The following LOC128125822 variants were observed in gnomAD, a reference collection of about 807,000 sequenced individuals.
the LOC128125822 span, chr6:63,579,387 C>A: frequency 1.5e-6 from 2 of 1,376,640 alleles, no homozygotes; most frequent in South Asian, 1.3e-5. Flanking sequence ...TGTTGAGTGT[C>A]AGTGAGTTTA....
chr6:63,574,743 A>G, the LOC128125822 span, among the ~76,000 whole-genome samples: 1 of 152,216 alleles, frequency 6.6e-6, no homozygotes, highest in Non-Finnish European at 1.5e-5. Flanking sequence ...AAAGCTTTTA[A>G]AGATCATTGT....
chr6:63,574,944 CTTGT>C, the LOC128125822 span, among the ~76,000 whole-genome samples: 1 of 152,296 alleles, frequency 6.6e-6, no homozygotes, highest in Non-Finnish European at 1.5e-5. Flanking sequence ...CCTCTGAGGG[CTTGT>C]TTGAACAAAC....
chr6:63,581,868 G>C, the LOC128125822 span: 1 of 152,096 alleles, frequency 6.6e-6, no homozygotes, highest in Admixed American at 6.5e-5. Flanking sequence ...GTACATGAAG[G>C]CTTAATGTTA....
At chr6:63,573,105 C>G in the LOC128125822 span, 1 of 169,686 alleles carries the variant, frequency 5.9e-6, no homozygotes, top group Non-Finnish European at 1.2e-5. Flanking sequence ...GCCCTTGGCC[C>G]TTTGGTCTGG....
the LOC128125822 span, chr6:63,580,367 C>G: frequency 1.9e-6 from 1 of 520,528 alleles, no homozygotes; most frequent in Non-Finnish European, 3.5e-6. Context: ...TATTTGGATA[C>G]TTGGCAAAAG....
chr6:63,578,524 G>A, the LOC128125822 span: 1 of 1,610,812 alleles, frequency 6.2e-7, no homozygotes. Context: ...AGGTATCCAT[G>A]TTCTTGTAAG....
chr6:63,580,420 A>G, the LOC128125822 span: 3 of 418,256 alleles, frequency 7.2e-6, no homozygotes, highest in Non-Finnish European at 1.3e-5. Context: ...CATTTGTATC[A>G]ATTGACCTTT....
the LOC128125822 span, among the ~76,000 whole-genome samples, chr6:63,572,992 A>C: frequency 2.0e-5 from 3 of 151,922 alleles, no homozygotes; most frequent in African/African-American, 7.3e-5. Context: ...GCCCGGAGCG[A>C]CGGGGGCGGC....
the LOC128125822 span, among the ~76,000 whole-genome samples, chr6:63,572,977 C>T: frequency 1.3e-5 from 2 of 152,108 alleles, no homozygotes; most frequent in Admixed American, 6.5e-5. Flanking sequence ...TTGAGTCCCT[C>T]CCGAGCCCGG....
chr6:63,579,863 T>C, the LOC128125822 span, among the ~76,000 whole-genome samples: 5 of 152,294 alleles, frequency 3.3e-5, no homozygotes, highest in East Asian at 5.8e-4. Context: ...AACGAAGATA[T>C]AAAGAAAATT....
chr6:63,575,201 T>A, the LOC128125822 span, among the ~76,000 whole-genome samples: 8 of 152,340 alleles, frequency 5.3e-5, no homozygotes, highest in East Asian at 1.5e-3. Flanking sequence ...AGACTTCAAA[T>A]GCTTAAATTT....
chr6:63,575,487 A>T, the LOC128125822 span, among the ~76,000 whole-genome samples: 1 of 152,184 alleles, frequency 6.6e-6, no homozygotes, highest in East Asian at 1.9e-4. Context: ...TTAGTTCTTA[A>T]GGGGGAACTT....
At chr6:63,572,572 C>CCCGCCGCCGCCTGCATCG in the LOC128125822 span, 49 of 413,554 alleles carry the variant, frequency 1.2e-4, no homozygotes, top group East Asian at 1.2e-3. Context: ...GTCTGGTGCC[C>CCCGCCGCCGCCTGCATCG]CCGCCGCCGC....
At chr6:63,583,088 C>A in the LOC128125822 span, 2 of 152,106 alleles carry the variant, frequency 1.3e-5, no homozygotes, top group Non-Finnish European at 2.9e-5. Context: ...TTTTGGTCAC[C>A]AATGAGTACC....
At chr6:63,579,638 G>A in the LOC128125822 span, among the ~76,000 whole-genome samples, 3 of 152,072 alleles carry the variant, frequency 2.0e-5, no homozygotes, top group African/African-American at 7.2e-5. Flanking sequence ...AAATGCACAG[G>A]TCTCCAAAGG....
At chr6:63,579,134 A>G in the LOC128125822 span, 6 of 1,385,222 alleles carry the variant, frequency 4.3e-6, no homozygotes, top group African/African-American at 3.0e-5. Context: ...AACATTTGTC[A>G]TAGGTATTAC....
At chr6:63,572,611 C>G in the LOC128125822 span, 1 of 419,418 alleles carries the variant, frequency 2.4e-6, no homozygotes, top group Non-Finnish European at 4.1e-6. Flanking sequence ...CGCTCCGCCA[C>G]GACCACCGCC....
At chr6:63,576,808 C>CT in the LOC128125822 span, 4 of 1,240,278 alleles carry the variant, frequency 3.2e-6, no homozygotes, top group African/African-American at 3.0e-5. Flanking sequence ...ACTTCAGTTT[C>CT]TTTGCATCAT....
the LOC128125822 span, chr6:63,572,539 C>G: frequency 2.3e-5 from 9 of 395,666 alleles, no homozygotes; most frequent in Middle Eastern, 6.4e-4. Flanking sequence ...CGCTCTGCTC[C>G]GAGCCGCTCA....
Sources: allele counts gnomAD v4.1 joint callset (sites outside exome capture counted in the v4.1 genomes callset), GRCh38; gene constraint gnomAD v4.1.1; transcripts MANE v1.5.